The following SEMA3D variants were observed in gnomAD, a reference collection of about 807,000 sequenced individuals.
SEMA3D encodes semaphorin-3D.
SEMA3D carries 84 observed loss-of-function variants against 100.1 expected under a neutral mutation model. The observed-to-expected ratio is 0.84, with a 90% CI of 0.70 to 1.01. SEMA3D has a LOEUF of 1.01. SEMA3D is among the 50% of genes least tolerant of loss of function. SEMA3D has a pLI of 0.00. For missense variants in SEMA3D, 875 were observed against 934.1 expected, an observed-to-expected ratio of 0.94 and a Z score of 0.82; for synonymous variants, 312 against 320.7, an observed-to-expected ratio of 0.97 and a Z score of 0.29.
At chr7:85,238,389 T>C in the SEMA3D span, among the ~76,000 whole-genome samples, 47 of 152,180 alleles carry the variant, frequency 3.1e-4, no homozygotes, top group Non-Finnish European at 4.4e-4. Flanking sequence ...ATGAAGGGTG[T>C]AAAATCTGCA....
chr7:85,192,215 TG>T, the SEMA3D span, among the ~76,000 whole-genome samples: 1 of 151,834 alleles, frequency 6.6e-6, no homozygotes, highest in Admixed American at 6.6e-5. Context: ...AAAATGAAAA[TG>T]GGTTTAGTGG....
At chr7:85,142,100 A>C (rs1260753005) in intron 2 of SEMA3D, 7 of 984,380 alleles carry the variant, frequency 7.1e-6, no homozygotes, top group Non-Finnish European at 8.4e-6. Context: ...AATGCATTTT[A>C]GTTTTGATGT....
At chr7:85,205,440 T>C in the SEMA3D span, among the ~76,000 whole-genome samples, 2 of 152,188 alleles carry the variant, frequency 1.3e-5, no homozygotes, top group African/African-American at 4.8e-5. Context: ...GAATTATTAT[T>C]TGTCAATTTA....
At chr7:85,031,505 A>G (rs946542730) in intron 12 of SEMA3D, among the ~76,000 whole-genome samples, 1 of 151,938 alleles carries the variant, frequency 6.6e-6, no homozygotes, top group Non-Finnish European at 1.5e-5. Context: ...GAATAGACAA[A>G]TCTCTGGAAA....
chr7:85,003,703 C>G (rs971022494), intron 18 of SEMA3D, among the ~76,000 whole-genome samples: 1 of 151,912 alleles, frequency 6.6e-6, no homozygotes, highest in Non-Finnish European at 1.5e-5. Flanking sequence ...TAAGCAATGA[C>G]AGACAAGACA....
At chr7:85,114,807 A>G (rs763880575) in intron 3 of SEMA3D, among the ~76,000 whole-genome samples, 6 of 152,204 alleles carry the variant, frequency 3.9e-5, no homozygotes, top group Non-Finnish European at 8.8e-5. Context: ...AGAGAAAGAT[A>G]AATAAAACAA....
At chr7:85,017,879 G>A (rs911660479) in intron 15 of SEMA3D, among the ~76,000 whole-genome samples, 6 of 151,656 alleles carry the variant, frequency 4.0e-5, no homozygotes, top group African/African-American at 1.5e-4. Context: ...TGGCTGTTGG[G>A]CTGCCACCAC....
At chr7:85,040,276 C>G (rs936502133) in intron 11 of SEMA3D, among the ~76,000 whole-genome samples, 2 of 152,008 alleles carry the variant, frequency 1.3e-5, no homozygotes, top group African/African-American at 2.4e-5. Context: ...GTGAGCCCAG[C>G]CTGCATATGC....
At chr7:85,114,814 A>G (rs1789192049) in intron 3 of SEMA3D, among the ~76,000 whole-genome samples, 1 of 152,138 alleles carries the variant, frequency 6.6e-6, no homozygotes, top group African/African-American at 2.4e-5. Context: ...GATAAATAAA[A>G]CAAGATTTTT....
chr7:85,163,652 G>A (rs1004826687), intron 1 of SEMA3D, among the ~76,000 whole-genome samples: 1 of 152,064 alleles, frequency 6.6e-6, no homozygotes, highest in Non-Finnish European at 1.5e-5. Context: ...TATGAAAAAT[G>A]TAAATTCATG....
Position 85,022,371 on chromosome 7 carries a change from C to G in SEMA3D, c.1414+20G>C. On this transcript the variant is annotated intron_variant, in intron 13 of 18. Coordinates refer to ENST00000284136, the MANE Select transcript of SEMA3D (RefSeq NM_001384900.1). ...ATGAAAAATTCCTTTTGAAAAAATC[C>G]TAATCTAGTTTTAGCTTACCTGTTC... 6.4e-7 allele frequency: 1 copy of G among 1,558,400 alleles called. No individual in the cohort carries two copies.
chr7:85,042,085 G>A (rs1790880069), intron 10 of SEMA3D, 86 bp downstream of exon 10: 1 of 935,382 alleles, frequency 1.1e-6, no homozygotes, highest in Non-Finnish European at 1.7e-6. Flanking sequence ...AATTAATCAG[G>A]CATTTGGAGC....
chr7:85,195,855 C>T, the SEMA3D span, among the ~76,000 whole-genome samples: 1 of 152,132 alleles, frequency 6.6e-6, no homozygotes, highest in African/African-American at 2.4e-5. Flanking sequence ...TTAAAAAAGT[C>T]TATTCAGAAA....
chr7:85,058,326 C>T (rs886861606), intron 8 of SEMA3D, among the ~76,000 whole-genome samples: 2 of 152,128 alleles, frequency 1.3e-5, no homozygotes, highest in African/African-American at 2.4e-5. Flanking sequence ...CTTCCCCAAC[C>T]CCTGCCCCGG....
At chr7:85,085,579 C>G (rs1405585186) in intron 4 of SEMA3D, among the ~76,000 whole-genome samples, 1 of 152,080 alleles carries the variant, frequency 6.6e-6, no homozygotes, top group African/African-American at 2.4e-5. Flanking sequence ...TGTATGTCAG[C>G]CAAGGCATCA....
At chr7:85,069,080 G>A (rs1791703082) in intron 6 of SEMA3D, among the ~76,000 whole-genome samples, 1 of 152,114 alleles carries the variant, frequency 6.6e-6, no homozygotes, top group African/African-American at 2.4e-5. Context: ...CCATCCAGCA[G>A]AAAGGATGAT....
chr7:85,186,022 A>AAAGGATGC (rs1467453818), intron 1 of SEMA3D, among the ~76,000 whole-genome samples: 1 of 152,106 alleles, frequency 6.6e-6, no homozygotes, highest in Admixed American at 6.5e-5. Context: ...TCTAAATCTA[A>AAAGGATGC]AAGGATGCAC....
intron 4 of SEMA3D, among the ~76,000 whole-genome samples, chr7:85,095,923 A>C (rs1788536518): frequency 6.6e-6 from 1 of 152,030 alleles, no homozygotes; most frequent in Admixed American, 6.6e-5. Flanking sequence ...AAATAGTCAC[A>C]GCAGGAAGTT....
chr7:85,137,652 T>C (rs1789907332), intron 2 of SEMA3D, among the ~76,000 whole-genome samples: 1 of 152,104 alleles, frequency 6.6e-6, no homozygotes, highest in South Asian at 2.1e-4. Context: ...ATGGATAATT[T>C]GTTTTCTGTG....
Sources: allele counts gnomAD v4.1 joint callset (sites outside exome capture counted in the v4.1 genomes callset), GRCh38; gene constraint gnomAD v4.1.1; transcripts MANE v1.5; gene names NCBI Gene and HGNC (gene_info 2026-07-23, HGNC 2026-07-21).